Variants in NFASC observed in about 807,000 individuals in gnomAD.
The protein encoded by NFASC is neurofascin homolog.
Under a neutral mutation model 147.5 loss-of-function variants are expected in NFASC, and 43 were observed. That is an observed-to-expected ratio of 0.29 (90% confidence interval 0.23 to 0.38). The LOEUF is 0.38. Ranked by LOEUF, NFASC falls within the 10% of genes least tolerant of loss-of-function variation. The pLI is 1.00. For missense variants in NFASC, 1,320 were observed against 1,689.0 expected (o/e 0.78, Z 3.83); for synonymous variants, 622 against 665.5 (o/e 0.93, Z 1.01).
intron 23 of NFASC, among the ~76,000 whole-genome samples, chr1:204,990,839 T>C (rs2095715011): frequency 6.6e-6 from 1 of 152,188 alleles, no homozygotes; most frequent in African/African-American, 2.4e-5. Context: ...GTTGGTGTCC[T>C]CCCACACCAC....
intron 3 of NFASC, among the ~76,000 whole-genome samples, chr1:204,945,220 C>T (rs936323616): frequency 5.3e-5 from 8 of 152,204 alleles, no homozygotes; most frequent in Non-Finnish European, 8.8e-5. Flanking sequence ...ACCTTTACCA[C>T]AACTCTGACA....
At chr1:204,858,289 T>C (rs1399036582) in intron 1 of NFASC, among the ~76,000 whole-genome samples, 1 of 152,142 alleles carries the variant, frequency 6.6e-6, no homozygotes, top group Non-Finnish European at 1.5e-5. Flanking sequence ...TCCTTTTACC[T>C]TAATTACCTC....
intron 1 of NFASC, among the ~76,000 whole-genome samples, chr1:204,842,747 C>T (rs1675722867): frequency 1.3e-5 from 2 of 152,216 alleles, no homozygotes; most frequent in South Asian, 4.1e-4. Flanking sequence ...TAGTGGGCTC[C>T]TGGGACATGG....
intron 1 of NFASC, among the ~76,000 whole-genome samples, chr1:204,910,758 C>G (rs1408705846): frequency 6.6e-6 from 1 of 152,126 alleles, no homozygotes; most frequent in African/African-American, 2.4e-5. Context: ...CTACCTCCGG[C>G]CTCCCAAAGT....
chr1:204,939,749 T>C (rs2093219040), intron 2 of NFASC, among the ~76,000 whole-genome samples: 1 of 152,276 alleles, frequency 6.6e-6, no homozygotes, highest in African/African-American at 2.4e-5. Flanking sequence ...AAGTGTGGAC[T>C]TGATTGCTGT....
At chr1:205,006,098 G>A (rs925363405) in intron 27 of NFASC, among the ~76,000 whole-genome samples, 1 of 152,212 alleles carries the variant, frequency 6.6e-6, no homozygotes, top group Admixed American at 6.5e-5. Flanking sequence ...AACACATGTT[G>A]AAGTAATTCC....
intron 2 of NFASC, among the ~76,000 whole-genome samples, chr1:204,923,409 G>A (rs895123446): frequency 5.9e-5 from 9 of 151,928 alleles, no homozygotes; most frequent in African/African-American, 1.9e-4. Context: ...TCCCCAGTAC[G>A]TCCACTCCTT....
At chr1:204,883,410 T>C (rs2080684853) in intron 1 of NFASC, among the ~76,000 whole-genome samples, 1 of 152,164 alleles carries the variant, frequency 6.6e-6, no homozygotes, top group Non-Finnish European at 1.5e-5. Context: ...TCCCCATCAC[T>C]TACATCCCAT....
At chr1:204,871,164 A>G in intron 1 of NFASC, 3 of 1,143,688 alleles carry the variant, frequency 2.6e-6, no homozygotes, top group Non-Finnish European at 3.5e-6. Flanking sequence ...GGTGTGTGCT[A>G]GGATTGTGCA....
intron 1 of NFASC, among the ~76,000 whole-genome samples, chr1:204,892,192 A>G (rs142653797): frequency 2.0e-3 from 311 of 152,348 alleles, no homozygotes; most frequent in Non-Finnish European, 3.2e-3. Flanking sequence ...TGTTTTTGCT[A>G]GGTTAGCTTA....
chr1:204,949,379 T>G (rs2093971719), intron 3 of NFASC, among the ~76,000 whole-genome samples: 1 of 152,188 alleles, frequency 6.6e-6, no homozygotes, highest in Non-Finnish European at 1.5e-5. Flanking sequence ...TAGGAAGGCT[T>G]CAAAGTCACC....
At chr1:204,830,657 T>TGTGTGTATAG (rs1671950674) in intron 1 of NFASC, among the ~76,000 whole-genome samples, 1 of 147,096 alleles carries the variant, frequency 6.8e-6, no homozygotes, top group African/African-American at 2.5e-5. Context: ...GATGTGTGTA[T>TGTGTGTATAG]AGAGAGAGAG....
chr1:204,906,262 A>G (rs541004711), intron 1 of NFASC, among the ~76,000 whole-genome samples: 82 of 152,318 alleles, frequency 5.4e-4, no homozygotes, highest in African/African-American at 1.9e-3. Context: ...GTATAGTCCT[A>G]TGAATTTTGC....
At chr1:204,953,328 G>A (rs116555021) in intron 5 of NFASC, among the ~76,000 whole-genome samples, 3,077 of 152,216 alleles carry the variant, frequency 0.02, 100 homozygotes, top group African/African-American at 0.068. Flanking sequence ...ACGGAGTCTC[G>A]CTCTATCCCC....
At chr1:204,912,366 A>G (rs2087787426) in intron 1 of NFASC, among the ~76,000 whole-genome samples, 1 of 151,930 alleles carries the variant, frequency 6.6e-6, no homozygotes, top group South Asian at 2.1e-4. Flanking sequence ...TTTTCATTTC[A>G]ATTGAAACTT....
rs763285862 is a variant in NFASC at position 204,944,335 on chromosome 1, C to T, written c.20C>T (p.Pro7Leu). Residue 7 changes from proline to leucine, a missense_variant, in exon 3 of 30, where the codon CCG becomes CTG. Coordinates refer to ENST00000339876, the MANE Select transcript of NFASC (RefSeq NM_001005388.3). MARQPP[P>L]PWVHAAFLLC... Reference sequence around the variant, plus strand: ...CCGAGGATGGCCAGGCAGCCACCGCCGCCCTGGGTCCATGCAGCCTTCCTC... The same window carrying T: ...CCGAGGATGGCCAGGCAGCCACCGCTGCCCTGGGTCCATGCAGCCTTCCTC... 26 of 1,613,674 alleles carry T rather than the reference C, an allele frequency of 1.6e-5. No individual in the cohort carries two copies. Among genetic ancestry groups the T allele is most frequent in the Admixed American group, 1.0e-4 (6 of 59,992 alleles).
rs564409649 is a variant in NFASC, at chr1:205,019,348, C to G, written c.*2809C>G. ...AGGACAGCACCATGCCATCGGCGCT[C>G]CAGTCTGTCTGGCTGGGAGGAAAGT... On this transcript the variant is annotated 3_prime_UTR_variant, in exon 30 of 30. Transcript: ENST00000339876. 1 of 152,372 alleles carries G rather than the reference C, an allele frequency of 6.6e-6. No homozygotes were observed. The highest frequency in any genetic ancestry group is 6.5e-5 in the Admixed American group (1 of 15,300). The allele number at this position is 152,372 out of a possible 1,614,324, so 9.4% of individuals were successfully genotyped here. A position where few individuals can be genotyped will look rare whatever the true frequency, so the allele number is the denominator to read the frequency against.
rs1045022798 is a variant in NFASC at position 204,954,608 on chromosome 1, A to G, written c.413-221A>G. 5.3e-5 allele frequency among the ~76,000 whole-genome samples: 8 copies of G among 152,212 alleles called. No individual in the cohort carries two copies. The highest frequency in any genetic ancestry group is 8.8e-5 in the Non-Finnish European group (6 of 68,028). ...CAATTTCACTGGCCACTGCGGGCAC[A>G]GGAGACGGGAAAGGAGGGGAGCCTT... On this transcript the variant is annotated intron_variant, in intron 6 of 29. Coordinates refer to ENST00000339876, the MANE Select transcript of NFASC (RefSeq NM_001005388.3). The surrounding 1 kb of genome is among the most constrained non-coding windows in gnomAD (Gnocchi z 5.7).
Position 204,979,080 on chromosome 1 carries a change from G to A in NFASC, c.1978+11G>A, listed in dbSNP as rs370142715. 2.1e-5 allele frequency: 33 copies of A among 1,547,422 alleles called. 1 individual carries two copies. The African/African-American group carries it at 3.0e-4, about 14-fold the overall frequency. On this transcript the variant is annotated intron_variant, in intron 18 of 29. Transcript: ENST00000339876. The surrounding 1 kb of genome is among the most constrained non-coding windows in gnomAD (Gnocchi z 6.0). ...ACAGCCCCATCACAGGTAGCTCAGGGCCTTGCACCCCAAAGCTGGAAAAGA... is the reference window on the plus strand; with the variant it reads ...ACAGCCCCATCACAGGTAGCTCAGGACCTTGCACCCCAAAGCTGGAAAAGA...
Sources: gnomAD v4.1 joint callset for allele counts (sites outside exome capture counted in the v4.1 genomes callset) on GRCh38, gnomAD v4.1.1 for gene constraint, Gnocchi (gnomAD v3.1) non-coding constraint, MANE v1.5 for transcripts, NCBI Gene and HGNC (gene_info 2026-07-23, HGNC 2026-07-21) for gene names.